IMPG1: variants seen among roughly 807,000 people sequenced by gnomAD.
IMPG1 encodes interphotoreceptor matrix proteoglycan of 150 kDa.
IMPG1 carries 85 observed loss-of-function variants against 92.0 expected under a neutral mutation model. That is an observed-to-expected ratio of 0.92 (90% CI 0.78 to 1.11). IMPG1 has a LOEUF of 1.11. Among genes scored for constraint, IMPG1 ranks in the 50% least tolerant of loss-of-function variants. The pLI, the probability that IMPG1 is intolerant of heterozygous loss-of-function variation, is 0.00. For missense variants in IMPG1, 1,022 were observed against 956.0 expected (o/e 1.07, Z -0.91); for synonymous variants, 367 against 334.1 (o/e 1.10, Z -1.08).
chr6:76,017,195 C>CA lies in IMPG1; in HGVS notation c.807+1522dup, dbSNP rs61629486. On this transcript the variant is annotated intron_variant, in intron 7 of 16. Coordinates refer to ENST00000369950, the MANE Select transcript of IMPG1 (RefSeq NM_001563.4). ...TAAGGAACTGGTATATGGTGAGGCT[C>CA]AAAAAAAAAAAAAAAGGCAGAGATC... Among the ~76,000 whole-genome samples the CA allele has an allele frequency of 4.9e-3, 575 of 117,810 alleles. 4 individuals carry two copies. Among genetic ancestry groups the CA allele is most frequent in the South Asian group, 7.4e-3 (27 of 3,636 alleles). The allele number at this position is 117,810 out of a possible 152,430, so 77.3% of individuals were successfully genotyped here.
chr6:75,954,799 A>G (rs1339677827), intron 12 of IMPG1, among the ~76,000 whole-genome samples: 2 of 152,180 alleles, frequency 1.3e-5, no homozygotes. Flanking sequence ...TATAAGGTAT[A>G]AAAAGGGGTC....
At chr6:75,948,729 A>G (rs1411078043) in intron 13 of IMPG1, among the ~76,000 whole-genome samples, 1 of 151,910 alleles carries the variant, frequency 6.6e-6, no homozygotes, top group Admixed American at 6.6e-5. Context: ...CCATTTTCCT[A>G]TTTCTCATAG....
chr6:75,959,475 C>A (rs1857003), intron 12 of IMPG1, among the ~76,000 whole-genome samples: 4 of 152,222 alleles, frequency 2.6e-5, no homozygotes, highest in Admixed American at 6.5e-5. Context: ...CACAGCCCCC[C>A]CTTCCCCCAG....
At chr6:76,028,035 T>G (rs1248068058) in intron 4 of IMPG1, among the ~76,000 whole-genome samples, 1 of 152,210 alleles carries the variant, frequency 6.6e-6, no homozygotes, top group East Asian at 1.9e-4. Context: ...GTCAAAATCA[T>G]GTTCACTCTT....
chr6:76,003,966 C>G lies in IMPG1; in HGVS notation c.1136-16G>C. On this transcript the variant is annotated splice_polypyrimidine_tract_variant and intron_variant, in intron 10 of 16. Transcript: ENST00000369950. ...CCAGCAATTTCTATGGGTAAAAAAT[C>G]ACAAGATTTGAATGTATCTTTCCTT... is the stretch of plus-strand genomic sequence containing the variant. The G allele has an allele frequency of 6.3e-7, 1 of 1,597,426 alleles. No individual in the cohort carries two copies. The highest frequency in any genetic ancestry group is 8.6e-7 in the Non-Finnish European group (1 of 1,167,508).
At chr6:75,948,421 C>T (rs537848265) in intron 13 of IMPG1, among the ~76,000 whole-genome samples, 8 of 152,160 alleles carry the variant, frequency 5.3e-5, no homozygotes, top group Admixed American at 1.3e-4. Context: ...GAGATGCAAG[C>T]GCCGACCTCC....
chr6:75,989,965 A>G (rs1782787167), intron 12 of IMPG1, among the ~76,000 whole-genome samples: 2 of 152,246 alleles, frequency 1.3e-5, no homozygotes, highest in Non-Finnish European at 2.9e-5. Flanking sequence ...AGTTTACTAT[A>G]TATATGTATA....
At chr6:75,940,882 C>A (rs1412712033) in intron 14 of IMPG1, among the ~76,000 whole-genome samples, 1 of 152,164 alleles carries the variant, frequency 6.6e-6, no homozygotes, top group East Asian at 1.9e-4. Context: ...CCCTCACCCC[C>A]TTTCTCTTCC....
At chr6:76,009,537 C>A (rs1232037796) in intron 8 of IMPG1, among the ~76,000 whole-genome samples, 2 of 152,128 alleles carry the variant, frequency 1.3e-5, no homozygotes, top group Non-Finnish European at 2.9e-5. Flanking sequence ...TACAATTTTG[C>A]CACTGTCATG....
intron 12 of IMPG1, among the ~76,000 whole-genome samples, chr6:75,997,840 C>G (rs1054903370): frequency 6.6e-6 from 1 of 152,118 alleles, no homozygotes; most frequent in Non-Finnish European, 1.5e-5. Context: ...ACATGCATAG[C>G]AATACTTTCA....
intron 14 of IMPG1, among the ~76,000 whole-genome samples, chr6:75,940,111 C>G (rs1030885083): frequency 1.9e-4 from 29 of 152,198 alleles, no homozygotes; most frequent in African/African-American, 7.0e-4. Flanking sequence ...GCTCCCTTTA[C>G]TGTAATTTTT....
intron 1 of IMPG1, among the ~76,000 whole-genome samples, chr6:76,053,594 T>C (rs1784076710): frequency 6.6e-6 from 1 of 152,184 alleles, no homozygotes. Context: ...TGGTTCCAGC[T>C]GTACTGAGGT....
intron 4 of IMPG1, 151 bp downstream of exon 4, chr6:76,034,164 A>C: frequency 1.4e-6 from 1 of 705,390 alleles, no homozygotes. Flanking sequence ...TCTTCAGTAC[A>C]TTATATGCAG....
intron 14 of IMPG1, among the ~76,000 whole-genome samples, chr6:75,938,980 C>T (rs1189808616): frequency 1.3e-5 from 2 of 152,248 alleles, no homozygotes; most frequent in Non-Finnish European, 1.5e-5. Context: ...GGACTACAGG[C>T]GTGTGCCATC....
chr6:75,960,216 C>T (rs543019865), intron 12 of IMPG1, among the ~76,000 whole-genome samples: 53 of 152,274 alleles, frequency 3.5e-4, no homozygotes, highest in Non-Finnish European at 4.1e-4. Context: ...TCTAACCAGT[C>T]CCAGTGAGAT....
intron 2 of IMPG1, among the ~76,000 whole-genome samples, chr6:76,040,000 A>G (rs1372401599): frequency 6.6e-6 from 1 of 152,254 alleles, no homozygotes; most frequent in Non-Finnish European, 1.5e-5. Flanking sequence ...AAAAGTAGCA[A>G]CAAGAACAGT....
At chr6:75,946,404 G>A (rs1410050467) in intron 14 of IMPG1, among the ~76,000 whole-genome samples, 1 of 152,164 alleles carries the variant, frequency 6.6e-6, no homozygotes, top group African/African-American at 2.4e-5. Context: ...GCCAGAGAGG[G>A]TGTTAAAGAT....
At chr6:75,990,934 A>G (rs1374342130) in intron 12 of IMPG1, among the ~76,000 whole-genome samples, 1 of 152,196 alleles carries the variant, frequency 6.6e-6, no homozygotes, top group Non-Finnish European at 1.5e-5. Flanking sequence ...CCTCAAAGCA[A>G]GAACTACTTC....
intron 13 of IMPG1, 67 bp from the exon 14 acceptor site, chr6:75,947,600 A>G: frequency 9.4e-7 from 1 of 1,066,536 alleles, no homozygotes; most frequent in South Asian, 1.5e-5. Flanking sequence ...AATTCCACTT[A>G]CACTCACTTT....
Sources: gnomAD v4.1 joint callset for allele counts (sites outside exome capture counted in the v4.1 genomes callset) on GRCh38, gnomAD v4.1.1 for gene constraint, MANE v1.5 for transcripts, NCBI Gene and HGNC (gene_info 2026-07-23, HGNC 2026-07-21) for gene names.